Variants in ZC3H12B observed in about 807,000 individuals in gnomAD.
ZC3H12B encodes zinc finger CCCH-type containing 12B, also known as probable ribonuclease ZC3H12B.
In ZC3H12B, 7 loss-of-function variants were observed where a neutral mutation model predicts 43.9. The observed-to-expected ratio is 0.16, with a 90% confidence interval of 0.09 to 0.30. ZC3H12B has a LOEUF of 0.30. Ranked by LOEUF, ZC3H12B falls within the 10% of genes least tolerant of loss-of-function variation. The pLI is 1.00. For missense variants in ZC3H12B, 475 were observed against 670.2 expected, an observed-to-expected ratio of 0.71 and a Z score of 3.22; for synonymous variants, 222 against 241.7, an observed-to-expected ratio of 0.92 and a Z score of 0.76.
At chrX:65,409,758 A>G (rs1315587796) in intron 3 of ZC3H12B, among the ~76,000 whole-genome samples, 2 of 111,723 alleles carry the variant, frequency 1.8e-5, no homozygotes, top group Non-Finnish European at 3.8e-5. Context: ...CCTAGGAATT[A>G]AAGAAGCAAA....
At chrX:65,454,283 A>T (rs1450786105) in intron 3 of ZC3H12B, among the ~76,000 whole-genome samples, 4 of 112,226 alleles carry the variant, frequency 3.6e-5, no homozygotes, top group Non-Finnish European at 7.5e-5. Flanking sequence ...TCCCACCCTA[A>T]TACTGTGCTT....
At chrX:65,349,106 C>T in the ZC3H12B span, among the ~76,000 whole-genome samples, 1 of 111,708 alleles carries the variant, frequency 9.0e-6, no homozygotes, top group African/African-American at 3.3e-5. Context: ...CTATAATTGA[C>T]CACGTAATTG....
chrX:65,424,096 C>T (rs1339139182), intron 3 of ZC3H12B, among the ~76,000 whole-genome samples: 1 of 111,516 alleles, frequency 9.0e-6, no homozygotes, highest in East Asian at 2.8e-4. Flanking sequence ...TTGAACCAAC[C>T]CTGCATCCCA....
At chrX:65,204,315 T>G in the ZC3H12B span, among the ~76,000 whole-genome samples, 18 of 112,139 alleles carry the variant, frequency 1.6e-4, no homozygotes, top group Admixed American at 9.5e-4. Flanking sequence ...GCCATCTAGC[T>G]CTGCCTCTTT....
chrX:65,100,521 C>G, the ZC3H12B span, among the ~76,000 whole-genome samples: 1 of 69,129 alleles, frequency 1.4e-5, no homozygotes, highest in South Asian at 1.0e-3. Context: ...CATACATAGG[C>G]TCAAAATAAA....
chrX:65,475,277 T>C (rs1431400756), intron 3 of ZC3H12B, among the ~76,000 whole-genome samples: 3 of 112,094 alleles, frequency 2.7e-5, no homozygotes, highest in Non-Finnish European at 5.6e-5. Context: ...CACATCACTA[T>C]TTAGCATGTG....
At chrX:65,407,754 G>A (rs772206132) in intron 3 of ZC3H12B, among the ~76,000 whole-genome samples, 2 of 113,700 alleles carry the variant, frequency 1.8e-5, no homozygotes, top group African/African-American at 6.3e-5. Context: ...TCCCCGCCCG[G>A]GCGACTGAGG....
the ZC3H12B span, among the ~76,000 whole-genome samples, chrX:65,115,666 C>T: frequency 3.0e-4 from 34 of 111,646 alleles, no homozygotes; most frequent in African/African-American, 1.1e-3. Flanking sequence ...AGTTTACATT[C>T]CCACCTACAG....
the ZC3H12B span, among the ~76,000 whole-genome samples, chrX:65,123,729 CTT>C: frequency 5.9e-4 from 42 of 71,509 alleles, no homozygotes; most frequent in African/African-American, 1.7e-3. Flanking sequence ...GTTGTTGTTT[CTT>C]TTTTTTTTTT....
the ZC3H12B span, among the ~76,000 whole-genome samples, chrX:65,177,259 G>A: frequency 3.6e-5 from 4 of 111,918 alleles, no homozygotes; most frequent in African/African-American, 9.7e-5. Context: ...CCAGAAACTA[G>A]TTGTTGATGG....
At chrX:65,382,079 G>A (rs1234094937) in intron 2 of ZC3H12B, among the ~76,000 whole-genome samples, 2 of 111,786 alleles carry the variant, frequency 1.8e-5, no homozygotes, top group African/African-American at 6.5e-5. Flanking sequence ...AGAAAAAGAG[G>A]GAATCCTCCC....
rs758830571 is a variant in ZC3H12B, at chrX:65,378,984, G to A, written n.295+9986G>A. Among the ~76,000 whole-genome samples the A allele has an allele frequency of 4.4e-5, 5 of 112,387 alleles. No homozygotes were observed. The South Asian group carries it at 1.5e-3, about 33-fold the overall frequency. On this transcript the variant is annotated intron_variant and non_coding_transcript_variant, in intron 2 of 5. Coordinates refer to the ZC3H12B transcript ENST00000617377. ...GCCCACGGAGTCTCATTGATTGCTA[G>A]CACAGCAGTCTGCGATCAAACTGCA...
At chrX:65,084,742 C>T in the ZC3H12B span, among the ~76,000 whole-genome samples, 2 of 112,680 alleles carry the variant, frequency 1.8e-5, no homozygotes, top group East Asian at 2.8e-4. Context: ...TGCGATCCAG[C>T]AGCCCCATTG....
Position 65,499,598 on chromosome X carries a change from A to G in ZC3H12B, c.984-285A>G, listed in dbSNP as rs185062348. On this transcript the variant is annotated intron_variant, in intron 3 of 4. Coordinates refer to ENST00000338957, the Ensembl canonical transcript of ZC3H12B. Reference sequence around the variant, plus strand: ...GGGGGACATCATGAATAAAGTTATGAAGGTGTGAAAGTGGGTAGCATGTTG... The same window carrying G: ...GGGGGACATCATGAATAAAGTTATGGAGGTGTGAAAGTGGGTAGCATGTTG... 1.3e-4 allele frequency among the ~76,000 whole-genome samples: 14 copies of G among 111,558 alleles called. No homozygotes were observed. The East Asian group carries it at 3.9e-3, about 31-fold the overall frequency.
At chrX:65,178,876 G>T in the ZC3H12B span, among the ~76,000 whole-genome samples, 1 of 112,179 alleles carries the variant, frequency 8.9e-6, no homozygotes, top group Non-Finnish European at 1.9e-5. Context: ...TCTAGAACCA[G>T]AAGTACCTTT....
At chrX:65,262,322 A>G in the ZC3H12B span, among the ~76,000 whole-genome samples, 7 of 110,831 alleles carry the variant, frequency 6.3e-5, no homozygotes, top group Non-Finnish European at 1.1e-4. Context: ...TTCAGTAGTG[A>G]CCATCTGGAA....
At chrX:65,387,119 T>G (rs1393394469) in intron 2 of ZC3H12B, among the ~76,000 whole-genome samples, 1 of 111,960 alleles carries the variant, frequency 8.9e-6, no homozygotes, top group Non-Finnish European at 1.9e-5. Flanking sequence ...GAATGTATAT[T>G]CTGTTGATTT....
the ZC3H12B span, among the ~76,000 whole-genome samples, chrX:65,159,308 G>A: frequency 8.0e-5 from 9 of 111,977 alleles, no homozygotes; most frequent in East Asian, 2.5e-3. Flanking sequence ...TGTGAAGAAA[G>A]TCATTGGTAG....
chrX:65,255,673 C>A, the ZC3H12B span, among the ~76,000 whole-genome samples: 2 of 112,052 alleles, frequency 1.8e-5, no homozygotes, highest in South Asian at 7.3e-4. Flanking sequence ...TAGAATCACA[C>A]CCATACCTGT....
Sources: gnomAD v4.1 joint callset for allele counts (sites outside exome capture counted in the v4.1 genomes callset) on GRCh38, gnomAD v4.1.1 for gene constraint, MANE v1.5 for transcripts, NCBI Gene and HGNC (gene_info 2026-07-23, HGNC 2026-07-21) for gene names.